Variants in SLC14A2 observed in about 807,000 individuals in gnomAD.
SLC14A2 encodes solute carrier family 14 member 2.
A neutral mutation model predicts 104.6 loss-of-function variants in SLC14A2; 91 were observed. The observed-to-expected ratio is 0.87, with a 90% confidence interval of 0.73 to 1.04. The LOEUF (loss-of-function observed/expected upper bound fraction) is 1.04, where lower values mean the gene tolerates loss of function less well. SLC14A2 is among the 50% of genes least tolerant of loss of function. The pLI, the probability that SLC14A2 is intolerant of heterozygous loss-of-function variation, is 0.00. For missense variants in SLC14A2, 1,189 were observed against 1,156.0 expected (o/e 1.03, Z -0.41); for synonymous variants, 476 against 466.4 (o/e 1.02, Z -0.27).
At chr18:45,349,943 A>C (rs1161858205) in intron 1 of SLC14A2, among the ~76,000 whole-genome samples, 1 of 152,260 alleles carries the variant, frequency 6.6e-6, no homozygotes, top group Non-Finnish European at 1.5e-5. Context: ...GAAGCATAAG[A>C]AATCAGAAGT....
intron 2 of SLC14A2, among the ~76,000 whole-genome samples, chr18:45,581,219 G>C (rs2044486466): frequency 6.6e-6 from 1 of 152,190 alleles, no homozygotes; most frequent in Non-Finnish European, 1.5e-5. Flanking sequence ...GGGCAGAGGG[G>C]TGTGGGCCCA....
At chr18:45,184,696 G>C in the SLC14A2 span, among the ~76,000 whole-genome samples, 1 of 152,120 alleles carries the variant, frequency 6.6e-6, no homozygotes, top group Non-Finnish European at 1.5e-5. Flanking sequence ...TATTAAACAA[G>C]GCATAAGTAG....
chr18:45,561,041 C>T (rs1400089768), intron 2 of SLC14A2, among the ~76,000 whole-genome samples: 1 of 152,158 alleles, frequency 6.6e-6, no homozygotes, highest in African/African-American at 2.4e-5. Context: ...GCACAGGATA[C>T]TGTGTGGTGA....
At chr18:45,257,329 G>T (rs2084489730) in intron 1 of SLC14A2, among the ~76,000 whole-genome samples, 2 of 152,350 alleles carry the variant, frequency 1.3e-5, no homozygotes, top group South Asian at 4.1e-4. Flanking sequence ...AATAGACTAA[G>T]TTGTCTAGGA....
chr18:45,298,420 A>G (rs757186099), intron 1 of SLC14A2, among the ~76,000 whole-genome samples: 1 of 152,234 alleles, frequency 6.6e-6, no homozygotes, highest in Non-Finnish European at 1.5e-5. Flanking sequence ...AGTCCAGGAT[A>G]CACCAATCCA....
At chr18:45,484,579 G>A (rs2087562066) in intron 2 of SLC14A2, among the ~76,000 whole-genome samples, 1 of 152,124 alleles carries the variant, frequency 6.6e-6, no homozygotes, top group African/African-American at 2.4e-5. Context: ...CCCTTCTCAT[G>A]GTTAAGGCAA....
At chr18:45,323,202 G>A (rs1322559210) in intron 1 of SLC14A2, among the ~76,000 whole-genome samples, 1 of 152,132 alleles carries the variant, frequency 6.6e-6, no homozygotes, top group Non-Finnish European at 1.5e-5. Flanking sequence ...TCTAACTAAT[G>A]CAAACACATT....
chr18:45,452,173 G>A (rs1416765065), intron 1 of SLC14A2, among the ~76,000 whole-genome samples: 1 of 152,202 alleles, frequency 6.6e-6, no homozygotes, highest in African/African-American at 2.4e-5. Flanking sequence ...GCAAGACACT[G>A]TAGAAGTTTA....
At chr18:45,174,129 A>G in the SLC14A2 span, among the ~76,000 whole-genome samples, 1 of 151,844 alleles carries the variant, frequency 6.6e-6, no homozygotes, top group Admixed American at 6.6e-5. Context: ...TGGGCTCATC[A>G]TTTCTATTTT....
exon 2 of SLC14A2, chr18:45,483,284 C>G (rs1383413122): frequency 6.6e-6 from 1 of 152,146 alleles, no homozygotes; most frequent in Non-Finnish European, 1.5e-5. Context: ...TTCATAAGAC[C>G]TTTATAGAAC....
At chr18:45,291,833 G>T (rs568239840) in intron 1 of SLC14A2, among the ~76,000 whole-genome samples, 4 of 152,018 alleles carry the variant, frequency 2.6e-5, no homozygotes, top group African/African-American at 4.8e-5. Context: ...GGGCGGTTGG[G>T]GGGGTGGGGA....
chr18:45,267,025 A>T (rs1013149016), intron 1 of SLC14A2, among the ~76,000 whole-genome samples: 3 of 152,156 alleles, frequency 2.0e-5, no homozygotes, highest in Admixed American at 6.5e-5. Flanking sequence ...GGAAGCTTTT[A>T]TGGGCACTGG....
At position 45,417,613 on chromosome 18, in the gene SLC14A2, A is replaced by G. The variant is rs560401292; in HGVS notation, c.-124-65620A>G. On this transcript the variant is annotated intron_variant, in intron 1 of 20. Coordinates refer to the SLC14A2 transcript ENST00000586448. ...CATGGGGGGAACCGCCCCCAATTCA[A>G]TTACCTCCCACCAGGTCCCTTGCAT... Among the ~76,000 whole-genome samples the G allele has an allele frequency of 1.4e-4, 22 of 152,316 alleles. No individual in the cohort carries two copies. The South Asian group carries it at 3.5e-3, about 24-fold the overall frequency.
chr18:45,647,350 ATGGTT>A (rs1215247610), intron 10 of SLC14A2: 2 of 152,192 alleles, frequency 1.3e-5, no homozygotes, highest in Admixed American at 1.3e-4. Context: ...TCCTGTATGC[ATGGTT>A]TTATCCCCTT....
At chr18:45,178,323 CATATT>C in the SLC14A2 span, among the ~76,000 whole-genome samples, 2 of 151,674 alleles carry the variant, frequency 1.3e-5, no homozygotes, top group African/African-American at 4.8e-5. Flanking sequence ...GAGTGACAGT[CATATT>C]AGGAAGGAAA....
chr18:45,187,283 AG>A, the SLC14A2 span, among the ~76,000 whole-genome samples: 2 of 152,078 alleles, frequency 1.3e-5, no homozygotes, highest in African/African-American at 2.4e-5. Flanking sequence ...CAACCTCAAA[AG>A]TTTAGATGGA....
chr18:45,354,381 T>A (rs550467271), intron 1 of SLC14A2, among the ~76,000 whole-genome samples: 18 of 152,224 alleles, frequency 1.2e-4, no homozygotes, highest in Non-Finnish European at 2.4e-4. Context: ...GGCTTCTGGG[T>A]GATTGGTGGC....
At chr18:45,585,668 G>A (rs2044556263) in intron 2 of SLC14A2, among the ~76,000 whole-genome samples, 1 of 152,170 alleles carries the variant, frequency 6.6e-6, no homozygotes, top group South Asian at 2.1e-4. Flanking sequence ...AACTAACAGG[G>A]TGGCTTCCTT....
At chr18:45,386,403 C>T (rs370039848) in intron 1 of SLC14A2, among the ~76,000 whole-genome samples, 3 of 152,284 alleles carry the variant, frequency 2.0e-5, no homozygotes, top group Admixed American at 6.5e-5. Flanking sequence ...AACTCAAAGA[C>T]CGCAGGAGGG....
Sources: gnomAD v4.1 joint callset for allele counts (sites outside exome capture counted in the v4.1 genomes callset) on GRCh38, gnomAD v4.1.1 for gene constraint, MANE v1.5 for transcripts, NCBI Gene and HGNC (gene_info 2026-07-23, HGNC 2026-07-21) for gene names.